Variants in ERCC6L2 observed in about 807,000 individuals in gnomAD.
The protein encoded by ERCC6L2 is ERCC excision repair 6 like 2, also known as DNA excision repair protein ERCC-6-like 2.
Under a neutral mutation model 132.0 loss-of-function variants are expected in ERCC6L2, and 77 were observed. That is an observed-to-expected ratio of 0.58 (90% confidence interval 0.49 to 0.71). ERCC6L2 has a LOEUF of 0.71. ERCC6L2 is among the 30% of genes least tolerant of loss of function. The probability of loss-of-function intolerance (pLI) is 0.00; values close to 1 mark genes in which losing one functional copy is unlikely to be tolerated. For missense variants in ERCC6L2, 1,542 were observed against 1,837.6 expected (o/e 0.84, Z 2.94); for synonymous variants, 583 against 632.4 (o/e 0.92, Z 1.17).
intron 6 of ERCC6L2, chr9:95,918,734 A>C (rs1191824428): frequency 5.5e-6 from 1 of 181,338 alleles, no homozygotes; most frequent in African/African-American, 2.4e-5. Flanking sequence ...CAGTTAGAGA[A>C]ATAAGCCATT....
At chr9:95,958,695 C>G (rs1050771534) in intron 13 of ERCC6L2, among the ~76,000 whole-genome samples, 78 of 152,154 alleles carry the variant, frequency 5.1e-4, no homozygotes, top group Non-Finnish European at 8.4e-4. Context: ...GATACAAAAT[C>G]AATGTACAAA....
chr9:96,002,701 T>A (rs1287997881), intron 17 of ERCC6L2, among the ~76,000 whole-genome samples: 1 of 152,222 alleles, frequency 6.6e-6, no homozygotes, highest in Non-Finnish European at 1.5e-5. Flanking sequence ...CCCAAAGTGC[T>A]GGGATTACAA....
downstream of ERCC6L2, chr9:96,021,847 A>T (rs1834296731): frequency 6.6e-6 from 1 of 152,504 alleles, no homozygotes; most frequent in African/African-American, 2.4e-5. The surrounding 1 kb of genome is among the most constrained non-coding windows in gnomAD (Gnocchi z 4.7). Context: ...AGGAGGAGGC[A>T]GGAAGGACGC....
intron 13 of ERCC6L2, among the ~76,000 whole-genome samples, chr9:95,957,730 T>C (rs1242253739): frequency 1.3e-5 from 2 of 151,962 alleles, no homozygotes; most frequent in Non-Finnish European, 2.9e-5. Context: ...ATGACACAAA[T>C]AAAGATAAGA....
intron 2 of ERCC6L2, among the ~76,000 whole-genome samples, chr9:95,888,083 T>TC (rs398011545): frequency 1.3e-5 from 2 of 151,850 alleles, no homozygotes; most frequent in African/African-American, 4.8e-5. Context: ...TTTTTTTTTT[T>TC]CAAAGCGAGC....
At position 96,011,147 on chromosome 9, in the gene ERCC6L2, C is replaced by T. The variant is rs73536560; in HGVS notation, c.3675-1078C>T. Among the ~76,000 whole-genome samples, 1,016 of 152,242 alleles carry T rather than the reference C, an allele frequency of 6.7e-3. 15 individuals are homozygous for T. The highest frequency in any genetic ancestry group is 0.024 in the African/African-American group (977 of 41,522). On this transcript the variant is annotated intron_variant, in intron 18 of 18. Transcript: ENST00000653738. ...CTGGGTGGCTTAAACAACAGAAATT[C>T]GTGTCCACAGTTCTGGAGGCTGGAT...
chr9:95,937,950 A>C (rs1830629851), intron 11 of ERCC6L2, among the ~76,000 whole-genome samples: 1 of 150,580 alleles, frequency 6.6e-6, no homozygotes, highest in Non-Finnish European at 1.5e-5. Flanking sequence ...AATGTTACAA[A>C]TTTTCCTAAG....
chr9:95,957,983 C>T (rs1029482578), intron 13 of ERCC6L2, among the ~76,000 whole-genome samples: 3 of 150,572 alleles, frequency 2.0e-5, no homozygotes, highest in Non-Finnish European at 4.4e-5. Context: ...CCCATTAACT[C>T]ATCATTTAAC....
intron 17 of ERCC6L2, among the ~76,000 whole-genome samples, chr9:95,993,501 G>A (rs1833371492): frequency 6.6e-6 from 1 of 152,154 alleles, no homozygotes; most frequent in Non-Finnish European, 1.5e-5. Flanking sequence ...CTGTGTTTCT[G>A]TCTGTAGCAC....
At chr9:96,018,963 A>G (rs2133244935), downstream of ERCC6L2, among the ~76,000 whole-genome samples, 1 of 152,320 alleles carries the variant, frequency 6.6e-6, no homozygotes, top group South Asian at 2.1e-4. Flanking sequence ...CGTTAGCTAA[A>G]TAGGCCTCGC....
chr9:95,981,780 A>C (rs892626431), intron 17 of ERCC6L2, among the ~76,000 whole-genome samples: 47 of 152,180 alleles, frequency 3.1e-4, no homozygotes, highest in African/African-American at 9.7e-4. Flanking sequence ...TCCTTTTCTC[A>C]GTCAACTGCA....
In ERCC6L2 at chr9:96,015,015, G is replaced by GGTTTT. The variant is rs1834149762; in HGVS notation, c.*1812_*1813insGTTTT. ...GCTCTATAGTCTTCATATATGTACAGTTTTTTTTTTTTTTTTTTTTTTTTT... is the reference window on the plus strand; with the variant it reads ...GCTCTATAGTCTTCATATATGTACAGGTTTTTTTTTTTTTTTTTTTTTTTTTTTTT... On this transcript the variant is annotated 3_prime_UTR_variant, in exon 19 of 19. Transcript: ENST00000653738. Among the ~76,000 whole-genome samples, 5 of 65,426 alleles carry GGTTTT rather than the reference G, an allele frequency of 7.6e-5. No individual in the cohort carries two copies. The highest frequency in any genetic ancestry group is 6.3e-5 in the African/African-American group (1 of 15,894). The allele number at this position is 65,426 out of a possible 152,430, so 42.9% of individuals were successfully genotyped here.
Position 95,904,440 on chromosome 9 carries a change from G to A in ERCC6L2, c.595-2638G>A, listed in dbSNP as rs7873510. ...AAATAAAGTTACACATCTCAAGGAC[G>A]TAGACTTTTTGATTGAAGGTGCTAA... On this transcript the variant is annotated intron_variant, in intron 3 of 18. Transcript: ENST00000653738. Among the ~76,000 whole-genome samples the A allele has an allele frequency of 5.3e-5, 8 of 152,148 alleles. No homozygotes were observed. In the East Asian group the frequency reaches 7.7e-4, roughly 15 times the overall value.
intron 17 of ERCC6L2, among the ~76,000 whole-genome samples, chr9:95,986,433 T>C (rs905414039): frequency 2.0e-5 from 3 of 151,946 alleles, no homozygotes; most frequent in Admixed American, 6.6e-5. Flanking sequence ...ACTCAAGAAC[T>C]CATTTCCTCA....
intron 16 of ERCC6L2, among the ~76,000 whole-genome samples, chr9:95,975,301 A>G (rs990254383): frequency 2.6e-5 from 4 of 152,136 alleles, no homozygotes; most frequent in African/African-American, 9.7e-5. Flanking sequence ...AGATTGCTCA[A>G]GAAGTGTTCA....
chr9:96,004,701 G>C lies in ERCC6L2; in HGVS notation c.3674G>C (p.Arg1225Thr), dbSNP rs1392655397. 3.7e-6 allele frequency: 5 copies of C among 1,336,416 alleles called. No homozygotes were observed. In the African/African-American group the frequency reaches 7.4e-5, roughly 20 times the overall value. The allele number at this position is 1,336,416 out of a possible 1,614,324, so 82.8% of individuals were successfully genotyped here. The change falls in exon 18 of 19, where the codon AGA becomes ACA. Residue 1225 changes from arginine to threonine, a missense_variant and splice_region_variant. By Grantham distance (71) the Arg-to-Thr change is moderately conservative (BLOSUM62 -1). Around this residue, in one of 4 missense-constraint regions of ERCC6L2, gnomAD observed 442 missense variants for 583.4 expected, o/e 0.76. Coordinates refer to ENST00000653738, the MANE Select transcript of ERCC6L2 (RefSeq NM_020207.7). ...IIGETPKGIR[R>T]KQFEEMASYF... is the part of the protein sequence containing the mutation. ...GGAGAAACACCAAAAGGAATCCGCA[G>C]GTATATTGTCTCTGACAATACTATA...
intron 18 of ERCC6L2, among the ~76,000 whole-genome samples, chr9:96,005,956 T>C (rs1833849151): frequency 1.3e-5 from 2 of 152,186 alleles, no homozygotes; most frequent in African/African-American, 2.4e-5. Flanking sequence ...AGATTACTTC[T>C]TTCTGTTTTG....
At chr9:96,004,312 G>C (rs1024405456) in intron 17 of ERCC6L2, among the ~76,000 whole-genome samples, 2 of 152,102 alleles carry the variant, frequency 1.3e-5, no homozygotes, top group African/African-American at 4.8e-5. Context: ...GCCAATACTT[G>C]TATAACTTAA....
intron 6 of ERCC6L2, 69 bp downstream of exon 6, chr9:95,916,503 C>G (rs1212521407): frequency 1.0e-5 from 13 of 1,279,018 alleles, no homozygotes; most frequent in Non-Finnish European, 1.2e-5. Context: ...AAGAAAAAGT[C>G]TGTCTCCTGT....
Sources: gnomAD v4.1 joint callset for allele counts (sites outside exome capture counted in the v4.1 genomes callset) on GRCh38, gnomAD v4.1.1 for gene constraint, gnomAD v4.1.1 regional missense constraint, Gnocchi (gnomAD v3.1) non-coding constraint, MANE v1.5 for transcripts, NCBI Gene and HGNC (gene_info 2026-07-23, HGNC 2026-07-21) for gene names.